Variants in CCDC148 observed in about 807,000 individuals in gnomAD.
CCDC148 encodes the protein coiled-coil domain-containing protein 148.
A neutral mutation model predicts 85.7 loss-of-function variants in CCDC148; 89 were observed. The observed-to-expected ratio is 1.04, with a 90% CI of 0.87 to 1.24. CCDC148 has a LOEUF of 1.24. CCDC148 is among the 50% of genes most tolerant of loss of function. CCDC148 has a pLI of 0.00. For synonymous variants in CCDC148, 230 were observed against 213.9 expected, an observed-to-expected ratio of 1.08 and a Z score of -0.66; for missense variants, 692 against 671.7, an observed-to-expected ratio of 1.03 and a Z score of -0.33.
intron 11 of CCDC148, among the ~76,000 whole-genome samples, chr2:158,218,921 G>C (rs1453711661): frequency 6.6e-6 from 1 of 152,056 alleles, no homozygotes; most frequent in Admixed American, 6.5e-5. Flanking sequence ...TGTGCATTTC[G>C]TCCAGAAAAT....
chr2:158,402,553 C>A (rs1164626009), intron 1 of CCDC148, among the ~76,000 whole-genome samples: 2 of 151,964 alleles, frequency 1.3e-5, no homozygotes, highest in Non-Finnish European at 2.9e-5. Flanking sequence ...AGCCTAATTC[C>A]ATCACCATTA....
intron 1 of CCDC148, among the ~76,000 whole-genome samples, chr2:158,395,994 G>GTTTGATGT (rs145011747): frequency 6.6e-6 from 1 of 152,044 alleles, no homozygotes; most frequent in Non-Finnish European, 1.5e-5. Flanking sequence ...TAAAGCAATT[G>GTTTGATGT]TTGATGGAAT....
At chr2:158,452,304 G>A (rs1196131559) in intron 1 of CCDC148, among the ~76,000 whole-genome samples, 3 of 152,140 alleles carry the variant, frequency 2.0e-5, no homozygotes, top group Non-Finnish European at 2.9e-5. Flanking sequence ...GCTAGGAAAC[G>A]TATGATAAAT....
chr2:158,324,032 T>G (rs1001283196), intron 7 of CCDC148, among the ~76,000 whole-genome samples: 1 of 146,338 alleles, frequency 6.8e-6, no homozygotes, highest in African/African-American at 2.5e-5. Context: ...TTCTTCTGCC[T>G]CAGGTTCCCA....
intron 1 of CCDC148, among the ~76,000 whole-genome samples, chr2:158,433,699 G>A (rs936472694): frequency 5.3e-5 from 8 of 152,222 alleles, no homozygotes; most frequent in Non-Finnish European, 8.8e-5. Flanking sequence ...GGAAGTGCAA[G>A]AGTGGGGGAA....
intron 7 of CCDC148, among the ~76,000 whole-genome samples, chr2:158,316,424 T>C (rs187068514): frequency 6.6e-6 from 1 of 152,270 alleles, no homozygotes; most frequent in African/African-American, 2.4e-5. Flanking sequence ...GACATTAAAG[T>C]CAGATATTTC....
chr2:158,421,914 C>T (rs1686810844), intron 1 of CCDC148, among the ~76,000 whole-genome samples: 2 of 152,010 alleles, frequency 1.3e-5, no homozygotes, highest in South Asian at 4.1e-4. Flanking sequence ...GTTATCACCA[C>T]CGATCCCACA....
At chr2:158,217,444 C>G (rs1574421924) in intron 11 of CCDC148, among the ~76,000 whole-genome samples, 1 of 149,262 alleles carries the variant, frequency 6.7e-6, no homozygotes, top group Admixed American at 6.7e-5. Flanking sequence ...GCTCTGTTGC[C>G]CAGGCTGGAG....
chr2:158,254,985 CAAAAAAAA>C (rs58809618), intron 9 of CCDC148, among the ~76,000 whole-genome samples: 6 of 131,128 alleles, frequency 4.6e-5, no homozygotes, highest in Admixed American at 3.1e-4. Context: ...TTCTTTTCTC[CAAAAAAAA>C]AAAAAAAAGA....
At chr2:158,274,496 A>C (rs2105165922) in intron 9 of CCDC148, among the ~76,000 whole-genome samples, 1 of 152,310 alleles carries the variant, frequency 6.6e-6, no homozygotes, top group Admixed American at 6.5e-5. Context: ...AAATATTTAC[A>C]CATTAAAATA....
At chr2:158,183,714 A>C (rs1317088042) in intron 11 of CCDC148, among the ~76,000 whole-genome samples, 1 of 152,182 alleles carries the variant, frequency 6.6e-6, no homozygotes, top group Non-Finnish European at 1.5e-5. Flanking sequence ...GTTTATAATC[A>C]AACTTGCTAC....
intron 1 of CCDC148, among the ~76,000 whole-genome samples, chr2:158,380,569 C>T (rs1684828122): frequency 3.9e-5 from 6 of 152,112 alleles, no homozygotes; most frequent in Admixed American, 3.9e-4. Context: ...TTTATACAAT[C>T]TCAACTGAAA....
intron 9 of CCDC148, among the ~76,000 whole-genome samples, chr2:158,276,440 A>G (rs1239699222): frequency 1.3e-5 from 2 of 151,970 alleles, no homozygotes; most frequent in Non-Finnish European, 2.9e-5. Context: ...TCTCAAAACA[A>G]AAACAAAAAC....
At chr2:158,260,204 G>C (rs532204897) in intron 9 of CCDC148, among the ~76,000 whole-genome samples, 1 of 151,854 alleles carries the variant, frequency 6.6e-6, no homozygotes, top group East Asian at 1.9e-4. Flanking sequence ...ATATTCCTAG[G>C]TGGATGAATA....
At chr2:158,362,955 A>G (rs987736500) in intron 1 of CCDC148, among the ~76,000 whole-genome samples, 4 of 152,172 alleles carry the variant, frequency 2.6e-5, no homozygotes, top group Admixed American at 2.6e-4. Flanking sequence ...GAAGAATCAA[A>G]TAGACACAAT....
chr2:158,195,085 C>T (rs12464880), intron 11 of CCDC148, among the ~76,000 whole-genome samples: 50,784 of 151,618 alleles, frequency 0.33, 9,297 homozygotes, highest in East Asian at 0.66. Context: ...TTCTAGCCAT[C>T]AATGCCTACA....
chr2:158,311,339 C>G (rs540602344), intron 8 of CCDC148, among the ~76,000 whole-genome samples: 1 of 152,336 alleles, frequency 6.6e-6, no homozygotes, highest in African/African-American at 2.4e-5. Context: ...GGCGTGGCGG[C>G]GCGAGCCTGC....
At chr2:158,366,332 GATAAAAAATTTGTT>G (rs904653645) in intron 1 of CCDC148, among the ~76,000 whole-genome samples, 2 of 152,064 alleles carry the variant, frequency 1.3e-5, no homozygotes, top group Non-Finnish European at 2.9e-5. Context: ...TCCAGTGACT[GATAAAAAATTTGTT>G]ATTAGAAAGT....
intron 7 of CCDC148, among the ~76,000 whole-genome samples, chr2:158,325,095 A>C (rs1342544520): frequency 6.6e-6 from 1 of 151,768 alleles, no homozygotes; most frequent in East Asian, 1.9e-4. Flanking sequence ...TTTGAAAAAA[A>C]AAAAAAAGCA....
Sources: allele counts gnomAD v4.1 joint callset (sites outside exome capture counted in the v4.1 genomes callset), GRCh38; gene constraint gnomAD v4.1.1; transcripts MANE v1.5; gene names NCBI Gene and HGNC (gene_info 2026-07-23, HGNC 2026-07-21).